The following KCNAB2 variants were observed in gnomAD, a reference collection of about 807,000 sequenced individuals.
KCNAB2 encodes the protein voltage-gated potassium channel subunit beta-2.
Under a neutral mutation model 63.6 loss-of-function variants are expected in KCNAB2, and 29 were observed. The ratio of observed to expected loss-of-function variants is 0.46; its 90% CI spans 0.34 to 0.62. The LOEUF is 0.62. KCNAB2 is among the 20% of genes least tolerant of loss of function. KCNAB2 has a pLI of 0.01. For missense variants in KCNAB2, 359 were observed against 563.9 expected (o/e 0.64, Z 3.68); for synonymous variants, 222 against 224.2 (o/e 0.99, Z 0.09).
intron 2 of KCNAB2, among the ~76,000 whole-genome samples, chr1:6,059,856 G>A (rs566656638): frequency 6.6e-6 from 1 of 152,214 alleles, no homozygotes; most frequent in East Asian, 1.9e-4. Flanking sequence ...GTGCAAAGCC[G>A]GTTCCCGGGA....
rs139806400 is a variant in KCNAB2 at position 6,094,422 on chromosome 1, C to T, written c.669C>T (p.His223=). The T allele has an allele frequency of 7.4e-6, 12 of 1,611,452 alleles. No individual in the cohort carries two copies. The highest frequency in any genetic ancestry group is 1.6e-4 in the Middle Eastern group (1 of 6,066). Reference sequence around the variant, plus strand: ...CAGAGACCGTCCGCGCCATGACCCACGTCATCAACCAGGGGATGGCCATGT... The same window carrying T: ...CAGAGACCGTCCGCGCCATGACCCATGTCATCAACCAGGGGATGGCCATGT... ...IIEETVRAMT[H]VINQGMAMYW... Residue 223 remains histidine, a synonymous_variant, in exon 11 of 16, where the codon CAC becomes CAT. Transcript: ENST00000378083.
chr1:6,090,176 G>A (rs922287711), intron 8 of KCNAB2, among the ~76,000 whole-genome samples: 2 of 152,154 alleles, frequency 1.3e-5, no homozygotes, highest in African/African-American at 4.8e-5. Context: ...GTGGTCCCCC[G>A]ATGTCCTCCT....
intron 1 of KCNAB2, among the ~76,000 whole-genome samples, chr1:6,023,218 G>A (rs1175123235): frequency 6.6e-6 from 1 of 152,186 alleles, no homozygotes; most frequent in Admixed American, 6.5e-5. Context: ...AACCTGGGTT[G>A]TTTCCATGTT....
chr1:6,061,605 CA>C (rs1211003070), intron 2 of KCNAB2, among the ~76,000 whole-genome samples: 2 of 152,230 alleles, frequency 1.3e-5, no homozygotes, highest in Admixed American at 6.5e-5. Flanking sequence ...CCAGTTGGGA[CA>C]ACCAAAAATG....
intron 1 of KCNAB2, chr1:6,018,926 A>C (rs1658667356): frequency 6.6e-6 from 1 of 152,228 alleles, no homozygotes; most frequent in Non-Finnish European, 1.5e-5. Context: ...ATGGATGCTG[A>C]GATTGGGAAC....
chr1:6,063,964 G>C (rs551115864), intron 2 of KCNAB2, among the ~76,000 whole-genome samples: 2 of 152,226 alleles, frequency 1.3e-5, no homozygotes, highest in Non-Finnish European at 2.9e-5. Context: ...TGAAAGTCTC[G>C]TGAGTCTCCC....
chr1:6,084,046 G>C (rs1421847842), intron 5 of KCNAB2, among the ~76,000 whole-genome samples: 1 of 152,226 alleles, frequency 6.6e-6, no homozygotes, highest in Non-Finnish European at 1.5e-5. Context: ...TGTGTGTCTT[G>C]ACCATAAATG....
At chr1:6,041,480 CATTGCCCACA>C (rs1660493183), upstream of KCNAB2, 1 of 293,962 alleles carries the variant, frequency 3.4e-6, no homozygotes, top group Admixed American at 4.8e-5. Context: ...GGTTTTCAGC[CATTGCCCACA>C]AGCATATTGC....
chr1:6,015,377 G>A (rs539520415), intron 1 of KCNAB2, among the ~76,000 whole-genome samples: 114 of 152,242 alleles, frequency 7.5e-4, no homozygotes, highest in Non-Finnish European at 1.4e-3. Context: ...TATGGCCCAG[G>A]GGCCAGATCA....
chr1:6,079,895 C>A (rs1412444573), intron 4 of KCNAB2, among the ~76,000 whole-genome samples: 1 of 152,156 alleles, frequency 6.6e-6, no homozygotes, highest in African/African-American at 2.4e-5. Flanking sequence ...AACTTAAAGT[C>A]TCTTTGATAA....
chr1:6,010,083 G>C (rs1658069031), intron 1 of KCNAB2, among the ~76,000 whole-genome samples: 1 of 151,910 alleles, frequency 6.6e-6, no homozygotes, highest in African/African-American at 2.4e-5. Context: ...CACCACGTTG[G>C]CCAGGCTGGT....
chr1:6,043,835 TAACA>T (rs2100481293), upstream of KCNAB2, among the ~76,000 whole-genome samples: 1 of 152,320 alleles, frequency 6.6e-6, no homozygotes, highest in Non-Finnish European at 1.5e-5. Flanking sequence ...AAGTGCTGCA[TAACA>T]AACAACTCCA....
chr1:6,044,860 AG>A (rs1447589756), upstream of KCNAB2, among the ~76,000 whole-genome samples: 1 of 152,206 alleles, frequency 6.6e-6, no homozygotes, highest in Admixed American at 6.5e-5. Context: ...CCACGTCCAC[AG>A]GGCTTGGCCA....
rs1035022264 is a variant in KCNAB2, at chr1:6,003,430, G to A, written c.-53+10642G>A. ...GGCTGCCTTCAGCCCCTGCAGACAC[G>A]CAGGCACCGTCCACCTTCTCCACTC... On this transcript the variant is annotated intron_variant, in intron 1 of 16. Transcript: ENST00000341524. The surrounding 1 kb of genome is among the most constrained non-coding windows in gnomAD (Gnocchi z 4.1). Among the ~76,000 whole-genome samples, 6 of 152,314 alleles carry A rather than the reference G, an allele frequency of 3.9e-5. No individual in the cohort carries two copies. The highest frequency in any genetic ancestry group is 1.2e-4 in the African/African-American group (5 of 41,578).
In KCNAB2 at chr1:6,099,862, C is replaced by T. The variant is rs1665914455; in HGVS notation, c.*1288C>T. 6.5e-7 allele frequency: 1 copy of T among 1,549,060 alleles called. No homozygotes were observed. The highest frequency in any genetic ancestry group is 2.4e-5 in the East Asian group (1 of 40,912). On this transcript the variant is annotated 3_prime_UTR_variant, in exon 16 of 16. Transcript: ENST00000378083. ...GGGCAGGACAGGCCAGAGTGACGCC[C>T]CCGTGCAGCTTGGGCCGGAGGGCAA...
intron 2 of KCNAB2, among the ~76,000 whole-genome samples, chr1:6,055,795 G>C (rs1455645737): frequency 6.6e-6 from 1 of 152,094 alleles, no homozygotes; most frequent in Non-Finnish European, 1.5e-5. Flanking sequence ...GGGTGGGTGG[G>C]ATGCTCCGTG....
intron 1 of KCNAB2, among the ~76,000 whole-genome samples, chr1:5,999,341 A>G (rs923398409): frequency 6.6e-6 from 1 of 152,084 alleles, no homozygotes; most frequent in African/African-American, 2.4e-5. Context: ...CTCCTTGGCC[A>G]CCAGTCCCTG....
chr1:6,010,305 G>A (rs532210907), intron 1 of KCNAB2, among the ~76,000 whole-genome samples: 1 of 152,220 alleles, frequency 6.6e-6, no homozygotes, highest in South Asian at 2.1e-4. Context: ...TCAATAAAAG[G>A]TAACTGGAGG....
rs1052858189 is a variant in KCNAB2, at chr1:6,100,044, G to T, written c.*1470G>T. The T allele has an allele frequency of 1.9e-5, 28 of 1,506,796 alleles. No individual in the cohort carries two copies. Among genetic ancestry groups the T allele is most frequent in the Admixed American group, 2.2e-5 (1 of 45,206 alleles). 93.3% of individuals were successfully genotyped at this position (1,506,796 alleles called of 1,614,324 possible). On this transcript the variant is annotated 3_prime_UTR_variant, in exon 16 of 16. Transcript: ENST00000378083. ...CTCCATAGGGAAGCCTGTGTCTCCTGCCCCCAGGGCGCACCCTCAGTGCAG... is the reference window on the plus strand; with the variant it reads ...CTCCATAGGGAAGCCTGTGTCTCCTTCCCCCAGGGCGCACCCTCAGTGCAG...
Sources: gnomAD v4.1 joint callset for allele counts (sites outside exome capture counted in the v4.1 genomes callset) on GRCh38, gnomAD v4.1.1 for gene constraint, Gnocchi (gnomAD v3.1) non-coding constraint, MANE v1.5 for transcripts, NCBI Gene and HGNC (gene_info 2026-07-23, HGNC 2026-07-21) for gene names.